DOCK8: variants seen among roughly 807,000 people sequenced by gnomAD.
DOCK8 encodes dedicator of cytokinesis protein 8.
A neutral mutation model predicts 245.6 loss-of-function variants in DOCK8; 141 were observed. The ratio of observed to expected loss-of-function variants is 0.57; its 90% CI spans 0.50 to 0.66. The LOEUF is 0.66. Ranked by LOEUF, DOCK8 falls within the 30% of genes least tolerant of loss-of-function variation. The probability of loss-of-function intolerance (pLI) is 0.00; values close to 1 mark genes in which losing one functional copy is unlikely to be tolerated. For missense variants in DOCK8, 2,965 were observed against 2,603.4 expected, an observed-to-expected ratio of 1.14 and a Z score of -3.02; for synonymous variants, 1,168 against 970.2, an observed-to-expected ratio of 1.20 and a Z score of -3.79.
chr9:273,112 T>A, intron 2 of DOCK8: 1 of 985,308 alleles, frequency 1.0e-6, no homozygotes, highest in Non-Finnish European at 1.2e-6. Flanking sequence ...TATGTTTTAC[T>A]GGAGTGATTT....
At chr9:383,754 G>T (rs986431092) in intron 22 of DOCK8, among the ~76,000 whole-genome samples, 2 of 141,124 alleles carry the variant, frequency 1.4e-5, no homozygotes, top group African/African-American at 2.6e-5. Flanking sequence ...AATTTTACAA[G>T]CATATAAAAA....
At chr9:314,164 A>C (rs1466133665) in intron 6 of DOCK8, 1 of 152,244 alleles carries the variant, frequency 6.6e-6, no homozygotes, top group Non-Finnish European at 1.5e-5. Context: ...TGAAATCCAA[A>C]TATGATATTT....
intron 30 of DOCK8, among the ~76,000 whole-genome samples, chr9:419,653 A>G (rs956528482): frequency 2.6e-5 from 4 of 152,204 alleles, no homozygotes; most frequent in Admixed American, 2.6e-4. Flanking sequence ...TCACCAGTAC[A>G]TTCCACTGGA....
chr9:367,944 C>T, intron 14 of DOCK8, 74 bp from the exon 15 acceptor site: 1 of 1,271,252 alleles, frequency 7.9e-7, no homozygotes, highest in East Asian at 2.3e-5. Flanking sequence ...ATGGAAGTCT[C>T]AGCATTTGCT....
intron 2 of DOCK8, among the ~76,000 whole-genome samples, chr9:274,265 A>G (rs2048255563): frequency 6.6e-6 from 1 of 152,186 alleles, no homozygotes; most frequent in African/African-American, 2.4e-5. Flanking sequence ...TAAATTATGC[A>G]AGAATCACAT....
intron 2 of DOCK8, among the ~76,000 whole-genome samples, chr9:285,035 C>T (rs1389036168): frequency 2.0e-5 from 3 of 151,982 alleles, no homozygotes; most frequent in Non-Finnish European, 4.4e-5. Context: ...TACAACAAAC[C>T]CCCATGACAT....
intron 46 of DOCK8, among the ~76,000 whole-genome samples, chr9:459,513 T>C (rs921681303): frequency 3.3e-5 from 5 of 152,242 alleles, no homozygotes; most frequent in African/African-American, 7.2e-5. Context: ...TTATTATGCA[T>C]GTGGTACATA....
At position 400,944 on chromosome 9, in the gene DOCK8, CCAT is replaced by C. The variant is rs1443238173; in HGVS notation, c.3234+1688_3234+1690del. ...ACCATCACCACAACATCCACCACCA[CCAT>C]CACCACCACCACCACCACCTCCTCC... is the stretch of plus-strand genomic sequence containing the variant. On this transcript the variant is annotated intron_variant, in intron 26 of 47. Coordinates refer to ENST00000432829, the MANE Select transcript of DOCK8 (RefSeq NM_203447.4). Among the ~76,000 whole-genome samples the C allele has an allele frequency of 3.4e-3, 250 of 74,496 alleles. 8 individuals carry two copies. The highest frequency in any genetic ancestry group is 3.8e-3 in the Non-Finnish European group (179 of 47,536). 48.9% of individuals were successfully genotyped at this position (74,496 alleles called of 152,430 possible). A position where few individuals can be genotyped will look rare whatever the true frequency, so the allele number is the denominator to read the frequency against.
chr9:400,903 TACCAACAGCTCCTTCACC>T (rs2054997945), intron 26 of DOCK8, among the ~76,000 whole-genome samples: 1 of 14,040 alleles, frequency 7.1e-5, no homozygotes, highest in South Asian at 2.6e-3. Flanking sequence ...CCTCCCCCAC[TACCAACAGCTCCTTCACC>T]ATCACCACAA....
At chr9:248,854 G>A (rs1040960868) in intron 1 of DOCK8, among the ~76,000 whole-genome samples, 12 of 152,150 alleles carry the variant, frequency 7.9e-5, no homozygotes, top group Admixed American at 2.6e-4. Flanking sequence ...ACCTAACTCT[G>A]AAAAATAGAG....
chr9:362,484 C>T (rs2131130287), intron 14 of DOCK8, among the ~76,000 whole-genome samples: 1 of 152,314 alleles, frequency 6.6e-6, no homozygotes. Flanking sequence ...GCAACTTCAG[C>T]TCCTCATTAA....
chr9:280,383 ATCAG>A (rs1376168613), intron 2 of DOCK8, among the ~76,000 whole-genome samples: 6 of 152,230 alleles, frequency 3.9e-5, no homozygotes, highest in Non-Finnish European at 7.3e-5. Context: ...AAGGAGGCGT[ATCAG>A]TCAGGTTCAC....
At position 269,494 on chromosome 9, in the gene DOCK8, T is replaced by C. The variant is rs2048107978; in HGVS notation, c.54-2133T>C. On this transcript the variant is annotated intron_variant, in intron 1 of 47. Transcript: ENST00000432829. ...TGGATTTTTTCCATTTTTTGGCCTT[T>C]ATGAATAAGGCTGCTACGAACATTC... Among the ~76,000 whole-genome samples, 4 of 152,118 alleles carry C rather than the reference T, an allele frequency of 2.6e-5. No homozygotes were observed. In the South Asian group the frequency reaches 8.3e-4, roughly 32 times the overall value.
chr9:220,157 G>T (rs916853857), intron 1 of DOCK8, among the ~76,000 whole-genome samples: 4 of 152,208 alleles, frequency 2.6e-5, no homozygotes, highest in African/African-American at 9.6e-5. Flanking sequence ...AAGACCAACA[G>T]AGGGGCTTGG....
At chr9:424,361 C>G (rs1203100576) in intron 33 of DOCK8, among the ~76,000 whole-genome samples, 1 of 151,972 alleles carries the variant, frequency 6.6e-6, no homozygotes, top group Non-Finnish European at 1.5e-5. Flanking sequence ...CTATTGCCAC[C>G]AAATCCATTG....
At chr9:446,979 T>C (rs1395397675) in intron 44 of DOCK8, among the ~76,000 whole-genome samples, 4 of 152,128 alleles carry the variant, frequency 2.6e-5, no homozygotes, top group Non-Finnish European at 5.9e-5. Context: ...GATTCAAGCA[T>C]AGTCGTGCTG....
At chr9:311,299 A>C (rs931964501) in intron 5 of DOCK8, among the ~76,000 whole-genome samples, 2 of 150,108 alleles carry the variant, frequency 1.3e-5, no homozygotes, top group Non-Finnish European at 3.0e-5. Context: ...AAAAAAAAAA[A>C]GGTAATCATA....
intron 30 of DOCK8, among the ~76,000 whole-genome samples, chr9:418,457 G>A (rs1262294870): frequency 2.0e-5 from 3 of 151,966 alleles, no homozygotes; most frequent in Admixed American, 6.6e-5. Flanking sequence ...TAGTAGAGAC[G>A]GGGTTTCGCC....
intron 46 of DOCK8, chr9:456,285 G>C (rs1472555634): frequency 6.6e-6 from 1 of 152,238 alleles, no homozygotes; most frequent in Non-Finnish European, 1.5e-5. Flanking sequence ...TTAATGAATA[G>C]AGTAACTATT....
Sources: gnomAD v4.1 joint callset for allele counts (sites outside exome capture counted in the v4.1 genomes callset) on GRCh38, gnomAD v4.1.1 for gene constraint, MANE v1.5 for transcripts, NCBI Gene and HGNC (gene_info 2026-07-23, HGNC 2026-07-21) for gene names.